TBC1D22A: variants seen among roughly 807,000 people sequenced by gnomAD.
TBC1D22A encodes TBC1 domain family member 22A.
In TBC1D22A, 38 loss-of-function variants were observed where a neutral mutation model predicts 60.2. That is an observed-to-expected ratio of 0.63 (90% CI 0.49 to 0.83). The LOEUF (loss-of-function observed/expected upper bound fraction) is 0.83. Ranked by LOEUF, TBC1D22A falls within the 40% of genes least tolerant of loss-of-function variation. TBC1D22A has a pLI of 0.00. For missense variants in TBC1D22A, 628 were observed against 701.0 expected, an observed-to-expected ratio of 0.90 and a Z score of 1.18; for synonymous variants, 302 against 281.7, an observed-to-expected ratio of 1.07 and a Z score of -0.72.
At chr22:47,095,914 G>A (rs1190067761) in intron 11 of TBC1D22A, among the ~76,000 whole-genome samples, 1 of 152,238 alleles carries the variant, frequency 6.6e-6, no homozygotes, top group East Asian at 1.9e-4. Flanking sequence ...GGCTGGCCCT[G>A]TCCACTCCTG....
At chr22:46,905,474 C>T (rs189339547) in intron 7 of TBC1D22A, among the ~76,000 whole-genome samples, 3 of 152,338 alleles carry the variant, frequency 2.0e-5, no homozygotes, top group South Asian at 2.1e-4. Flanking sequence ...GATTTGGGTC[C>T]GTGCAGGGTG....
chr22:46,980,465 G>T (rs1732742298), intron 9 of TBC1D22A, among the ~76,000 whole-genome samples: 1 of 152,244 alleles, frequency 6.6e-6, no homozygotes, highest in African/African-American at 2.4e-5. Flanking sequence ...ACCCAGGTGT[G>T]AGCCACTGTG....
chr22:46,845,700 AAC>A (rs1372195347), intron 4 of TBC1D22A, among the ~76,000 whole-genome samples: 2 of 152,244 alleles, frequency 1.3e-5, no homozygotes, highest in South Asian at 4.1e-4. Flanking sequence ...TCAGTGAAAT[AAC>A]AGTGTTGTGT....
At chr22:46,832,231 G>C (rs999613127) in intron 4 of TBC1D22A, among the ~76,000 whole-genome samples, 8 of 152,258 alleles carry the variant, frequency 5.3e-5, no homozygotes, top group Non-Finnish European at 1.2e-4. Context: ...GGCAGATCCA[G>C]AGCGGGAGCT....
intron 8 of TBC1D22A, among the ~76,000 whole-genome samples, chr22:46,970,752 A>G (rs1221344137): frequency 6.6e-6 from 1 of 152,212 alleles, no homozygotes; most frequent in Non-Finnish European, 1.5e-5. Flanking sequence ...TTCTCTCCCC[A>G]CAGTGGACTC....
chr22:47,079,395 C>A (rs1319283945), intron 11 of TBC1D22A, among the ~76,000 whole-genome samples: 1 of 152,010 alleles, frequency 6.6e-6, no homozygotes, highest in East Asian at 1.9e-4. Context: ...CCGGGACAGA[C>A]ATCTTGATAA....
chr22:47,064,088 G>A (rs563008706), intron 11 of TBC1D22A, among the ~76,000 whole-genome samples: 17 of 152,170 alleles, frequency 1.1e-4, no homozygotes, highest in Admixed American at 3.3e-4. Context: ...GGGAGGCCAC[G>A]TTCACAGGAA....
chr22:46,832,926 G>T (rs1368369292), intron 4 of TBC1D22A, among the ~76,000 whole-genome samples: 1 of 152,150 alleles, frequency 6.6e-6, no homozygotes. Flanking sequence ...AGGGCGGATG[G>T]TGTCCATCCC....
At chr22:47,029,223 T>TC (rs1338601472) in intron 10 of TBC1D22A, among the ~76,000 whole-genome samples, 29 of 57,670 alleles carry the variant, frequency 5.0e-4, no homozygotes, top group African/African-American at 4.3e-3. Context: ...CCATACCCCT[T>TC]CCCATGGGCC....
chr22:47,097,511 G>C (rs951922864), intron 11 of TBC1D22A, among the ~76,000 whole-genome samples: 2 of 152,100 alleles, frequency 1.3e-5, no homozygotes, highest in African/African-American at 2.4e-5. Flanking sequence ...CTACTTGGGA[G>C]GCTGAGACAG....
intron 4 of TBC1D22A, among the ~76,000 whole-genome samples, chr22:46,818,931 C>A (rs2085713193): frequency 6.6e-6 from 1 of 152,128 alleles, no homozygotes; most frequent in Non-Finnish European, 1.5e-5. Context: ...TGTAGTTCTC[C>A]TTGAAGAGGT....
chr22:46,916,244 C>G (rs1034619819), intron 8 of TBC1D22A, among the ~76,000 whole-genome samples: 1 of 152,208 alleles, frequency 6.6e-6, no homozygotes, highest in African/African-American at 2.4e-5. Flanking sequence ...GAATGTTCAT[C>G]TTCAGCAGGA....
chr22:46,767,663 T>G (rs970346083), intron 1 of TBC1D22A, among the ~76,000 whole-genome samples: 3 of 152,114 alleles, frequency 2.0e-5, no homozygotes, highest in African/African-American at 7.2e-5. Context: ...ACTAGGTGGC[T>G]TAGTGGCAGG....
chr22:46,844,881 C>T (rs2086923483), intron 4 of TBC1D22A, among the ~76,000 whole-genome samples: 2 of 152,112 alleles, frequency 1.3e-5, no homozygotes, highest in Admixed American at 1.3e-4. Flanking sequence ...ATGCTGCGCC[C>T]TCCTTCATGC....
chr22:47,067,139 G>GC (rs1275637249), intron 11 of TBC1D22A, among the ~76,000 whole-genome samples: 1 of 152,142 alleles, frequency 6.6e-6, no homozygotes. Flanking sequence ...GGTGGCACGT[G>GC]CCTATAAACC....
At chr22:47,011,188 C>T (rs1727624903) in intron 10 of TBC1D22A, among the ~76,000 whole-genome samples, 1 of 152,176 alleles carries the variant, frequency 6.6e-6, no homozygotes. Context: ...AGGAGAGAGC[C>T]CTCCCAGTTC....
intron 12 of TBC1D22A, among the ~76,000 whole-genome samples, chr22:47,114,679 C>T (rs911800371): frequency 1.1e-4 from 16 of 152,188 alleles, no homozygotes; most frequent in African/African-American, 2.9e-4. Flanking sequence ...TGGTGGAAAG[C>T]GGCTTTAAAA....
intron 1 of TBC1D22A, among the ~76,000 whole-genome samples, chr22:46,785,574 C>A (rs2084124151): frequency 6.6e-6 from 1 of 152,172 alleles, no homozygotes; most frequent in South Asian, 2.1e-4. Context: ...CTCTAGAAAA[C>A]CTCGTGTGTC....
chr22:46,823,408 C>T (rs1478158563), intron 4 of TBC1D22A, among the ~76,000 whole-genome samples: 2 of 152,214 alleles, frequency 1.3e-5, no homozygotes, highest in Admixed American at 6.5e-5. Flanking sequence ...TTCTGTTCTT[C>T]GTGTGGTTGA....
Sources: allele counts gnomAD v4.1 joint callset (sites outside exome capture counted in the v4.1 genomes callset), GRCh38; gene constraint gnomAD v4.1.1; transcripts MANE v1.5; gene names NCBI Gene and HGNC (gene_info 2026-07-23, HGNC 2026-07-21).